NFIL3: variants seen among roughly 807,000 people sequenced by gnomAD.
NFIL3 encodes nuclear factor interleukin-3-regulated protein.
NFIL3 carries 5 observed loss-of-function variants against 10.0 expected under a neutral mutation model. The ratio of observed to expected loss-of-function variants is 0.50; its 90% CI spans 0.26 to 1.06. The LOEUF is 1.06. Among genes scored for constraint, NFIL3 ranks in the 50% least tolerant of loss-of-function variants. NFIL3 has a pLI of 0.13. For missense variants in NFIL3, 436 were observed against 547.6 expected, an observed-to-expected ratio of 0.80 and a Z score of 2.03; for synonymous variants, 202 against 206.5, an observed-to-expected ratio of 0.98 and a Z score of 0.19.
rs556445910 is a variant in NFIL3, at chr9:91,411,722, T to C, written c.-172-816A>G. On this transcript the variant is annotated intron_variant, in intron 1 of 1. Transcript: ENST00000297689. Reference sequence around the variant, plus strand: ...AATTTGTTCTATCAAACATTCAAGATTGAAGTATCCAAAATGCTTTTTGTG... The same window carrying C: ...AATTTGTTCTATCAAACATTCAAGACTGAAGTATCCAAAATGCTTTTTGTG... Among the ~76,000 whole-genome samples the C allele has an allele frequency of 3.9e-5, 6 of 152,354 alleles. No homozygotes were observed. In the East Asian group the frequency reaches 9.6e-4, roughly 24 times the overall value.
chr9:91,429,525 A>G, the NFIL3 span, among the ~76,000 whole-genome samples: 1 of 151,996 alleles, frequency 6.6e-6, no homozygotes, highest in African/African-American at 2.4e-5. Flanking sequence ...TTGCCCACCA[A>G]CTTTTGTCAC....
At chr9:91,471,077 T>C in the NFIL3 span, among the ~76,000 whole-genome samples, 38 of 152,142 alleles carry the variant, frequency 2.5e-4, no homozygotes, top group Non-Finnish European at 4.9e-4. Flanking sequence ...GATATCCTTG[T>C]TAGCCTTCTG....
chr9:91,463,255 G>A, the NFIL3 span, among the ~76,000 whole-genome samples: 29,829 of 151,156 alleles, frequency 0.2, 3,499 homozygotes, highest in East Asian at 0.49. Context: ...TCTTCTTTCC[G>A]TAGTTTCATA....
At chr9:91,456,152 A>G in the NFIL3 span, among the ~76,000 whole-genome samples, 1 of 152,366 alleles carries the variant, frequency 6.6e-6, no homozygotes, top group South Asian at 2.1e-4. Flanking sequence ...GTATGGATAT[A>G]CATGTATCCA....
chr9:91,469,995 T>C, the NFIL3 span, among the ~76,000 whole-genome samples: 1,039 of 152,284 alleles, frequency 6.8e-3, 15 homozygotes, highest in African/African-American at 0.024. Context: ...AAATTCTCTT[T>C]TTTTGTGGTG....
intron 1 of NFIL3, among the ~76,000 whole-genome samples, chr9:91,414,834 C>T (rs1428738103): frequency 6.6e-6 from 1 of 152,192 alleles, no homozygotes; most frequent in East Asian, 1.9e-4. Context: ...TGCCCAACTA[C>T]ACTGCGAATT....
At chr9:91,462,599 T>C in the NFIL3 span, among the ~76,000 whole-genome samples, 10 of 152,210 alleles carry the variant, frequency 6.6e-5, no homozygotes, top group African/African-American at 2.4e-4. Flanking sequence ...AATTTGTTAA[T>C]GCTTTATTAA....
upstream of NFIL3, among the ~76,000 whole-genome samples, chr9:91,424,367 C>T (rs576912128): frequency 1.3e-4 from 20 of 152,178 alleles, no homozygotes; most frequent in Non-Finnish European, 2.5e-4. Context: ...GCCCGGACCT[C>T]GGCCTCCCCT....
the NFIL3 span, among the ~76,000 whole-genome samples, chr9:91,473,912 C>G: frequency 7.1e-3 from 1,076 of 152,322 alleles, 12 homozygotes; most frequent in African/African-American, 0.025. Flanking sequence ...CAGTCTATTT[C>G]TTCCCTTCCA....
Position 91,409,509 on chromosome 9 carries a change from T to C in NFIL3, c.1226A>G (p.Asn409Ser), listed in dbSNP as rs1027341552. ...HQKELSGKTQ[N>S]SFKTGVVEMK... is the part of the protein sequence containing the mutation. Reference sequence around the variant, plus strand: ...TTCAACAACTCCAGTTTTGAAACTATTCTGAGTTTTGCCACTCAGTTCTTT... The same window carrying C: ...TTCAACAACTCCAGTTTTGAAACTACTCTGAGTTTTGCCACTCAGTTCTTT... The change falls in exon 2 of 2, where the codon AAT becomes AGT. Residue 409 changes from asparagine (N) to serine (S), a missense_variant. Physicochemically the swap from Asn to Ser is conservative, Grantham distance 46. Around this residue, in one of 3 missense-constraint regions of NFIL3, gnomAD observed 338 missense variants for 399.9 expected, o/e 0.85. Coordinates refer to ENST00000297689, the MANE Select transcript of NFIL3 (RefSeq NM_005384.3). 8 of 1,614,108 alleles carry C rather than the reference T, an allele frequency of 5.0e-6. No individual in the cohort carries two copies. Among genetic ancestry groups the C allele is most frequent in the Non-Finnish European group, 6.8e-6 (8 of 1,179,990 alleles).
At chr9:91,441,537 A>G in the NFIL3 span, among the ~76,000 whole-genome samples, 1 of 152,106 alleles carries the variant, frequency 6.6e-6, no homozygotes, top group East Asian at 1.9e-4. Context: ...AAACCTTACT[A>G]CTGCCATTTT....
chr9:91,440,849 C>T, the NFIL3 span, among the ~76,000 whole-genome samples: 1 of 152,054 alleles, frequency 6.6e-6, no homozygotes, highest in Non-Finnish European at 1.5e-5. Flanking sequence ...GGTTTCACAC[C>T]ATTTTGGTCT....
upstream of NFIL3, among the ~76,000 whole-genome samples, chr9:91,424,374 C>T (rs1033189452): frequency 1.3e-5 from 2 of 152,184 alleles, no homozygotes; most frequent in African/African-American, 4.8e-5. Flanking sequence ...CCTCGGCCTC[C>T]CCTTCCCCGC....
chr9:91,476,583 A>G, the NFIL3 span, among the ~76,000 whole-genome samples: 1 of 152,160 alleles, frequency 6.6e-6, no homozygotes, highest in Non-Finnish European at 1.5e-5. Flanking sequence ...AAAAAAAAAA[A>G]AACAATGTCC....
At chr9:91,473,768 T>C in the NFIL3 span, among the ~76,000 whole-genome samples, 38 of 152,342 alleles carry the variant, frequency 2.5e-4, no homozygotes, top group East Asian at 6.6e-3. Flanking sequence ...GTTAGAAATG[T>C]AGAAATCACC....
chr9:91,412,186 TTGAAA>T (rs1159379862), intron 1 of NFIL3, among the ~76,000 whole-genome samples: 1 of 151,774 alleles, frequency 6.6e-6, no homozygotes, highest in Non-Finnish European at 1.5e-5. Flanking sequence ...TAGTGCATTC[TTGAAA>T]TGAAATTCTT....
chr9:91,436,574 C>CAA, the NFIL3 span, among the ~76,000 whole-genome samples: 389 of 132,540 alleles, frequency 2.9e-3, 5 homozygotes, highest in East Asian at 4.8e-3. Context: ...CAAGACTCTG[C>CAA]CTCAACAACA....
At chr9:91,458,226 T>C in the NFIL3 span, among the ~76,000 whole-genome samples, 1 of 152,276 alleles carries the variant, frequency 6.6e-6, no homozygotes, top group Admixed American at 6.5e-5. Context: ...ATTATTATTT[T>C]CTTAAATATT....
the NFIL3 span, among the ~76,000 whole-genome samples, chr9:91,447,909 C>G: frequency 6.6e-6 from 1 of 152,078 alleles, no homozygotes; most frequent in African/African-American, 2.4e-5. Context: ...AATTTATTGC[C>G]AAATCCAAGG....
Sources: gnomAD v4.1 joint callset for allele counts (sites outside exome capture counted in the v4.1 genomes callset) on GRCh38, gnomAD v4.1.1 for gene constraint, gnomAD v4.1.1 regional missense constraint, MANE v1.5 for transcripts, NCBI Gene and HGNC (gene_info 2026-07-23, HGNC 2026-07-21) for gene names.